Variants in PMM2 observed in about 807,000 individuals in gnomAD.
The protein encoded by PMM2 is mannose-6-phosphate isomerase.
In PMM2, 35 loss-of-function variants were observed where a neutral mutation model predicts 33.2. That is an observed-to-expected ratio of 1.06 (90% CI 0.81 to 1.40). The LOEUF (loss-of-function observed/expected upper bound fraction) is 1.40, where lower values mean the gene tolerates loss of function less well. Ranked by LOEUF, PMM2 falls within the 40% of genes most tolerant of loss-of-function variation. The pLI is 0.00. For synonymous variants in PMM2, 153 were observed against 114.7 expected (o/e 1.33, Z -2.13); for missense variants, 386 against 306.0 (o/e 1.26, Z -1.95).
intron 7 of PMM2, among the ~76,000 whole-genome samples, chr16:8,827,928 AT>A (rs1294446274): frequency 2.1e-4 from 14 of 66,556 alleles, no homozygotes; most frequent in Admixed American, 2.1e-3. Context: ...TGTTTTATAT[AT>A]AATATATATT....
intron 7 of PMM2, among the ~76,000 whole-genome samples, chr16:8,813,497 C>T (rs986676424): frequency 2.2e-4 from 33 of 152,188 alleles, no homozygotes; most frequent in African/African-American, 7.7e-4. Flanking sequence ...AAGTTGAACA[C>T]GAGGGGCCAT....
chr16:8,840,772 A>G (rs1315189131), intron 7 of PMM2, among the ~76,000 whole-genome samples: 1 of 151,966 alleles, frequency 6.6e-6, no homozygotes, highest in Non-Finnish European at 1.5e-5. Context: ...GGTACTATAG[A>G]TGACTAAGTA....
chr16:8,800,175 A>G (rs141088386), intron 1 of PMM2, among the ~76,000 whole-genome samples: 7,133 of 152,136 alleles, frequency 0.047, 223 homozygotes, highest in Non-Finnish European at 0.069. Flanking sequence ...CCTTGCCAAC[A>G]TGGTGAAACC....
chr16:8,830,036 C>G (rs1267229921), intron 7 of PMM2, among the ~76,000 whole-genome samples: 3 of 152,178 alleles, frequency 2.0e-5, no homozygotes, highest in African/African-American at 7.2e-5. Context: ...GGGCTACAGA[C>G]AGATACCCTG....
At chr16:8,801,278 T>G (rs1442741692) in intron 1 of PMM2, among the ~76,000 whole-genome samples, 1 of 152,214 alleles carries the variant, frequency 6.6e-6, no homozygotes, top group African/African-American at 2.4e-5. Context: ...TGTTTAAAAT[T>G]TGGTAAAAAT....
At chr16:8,804,030 T>TG (rs1596485271) in intron 2 of PMM2, among the ~76,000 whole-genome samples, 2 of 88,054 alleles carry the variant, frequency 2.3e-5, no homozygotes, top group East Asian at 3.2e-4. Flanking sequence ...GGGTTTTTTT[T>TG]GTTTTTTTTT....
intron 6 of PMM2, 119 bp from the exon 7 acceptor site, chr16:8,812,872 A>C (rs1208595612): frequency 1.4e-6 from 1 of 739,148 alleles, no homozygotes; most frequent in Non-Finnish European, 2.5e-6. Flanking sequence ...AAACTAGAGT[A>C]CTGAAAATCA....
At chr16:8,827,150 G>C (rs566508456) in intron 7 of PMM2, among the ~76,000 whole-genome samples, 3 of 151,980 alleles carry the variant, frequency 2.0e-5, no homozygotes, top group Non-Finnish European at 4.4e-5. Context: ...GGTTTTATGA[G>C]GAAAACAGAG....
At chr16:8,831,618 T>A (rs1362998329) in intron 7 of PMM2, among the ~76,000 whole-genome samples, 1 of 152,222 alleles carries the variant, frequency 6.6e-6, no homozygotes, top group African/African-American at 2.4e-5. Context: ...CACCCACTGC[T>A]ACCAGCGAAG....
chr16:8,804,934 A>G (rs1033659318), intron 3 of PMM2, 91 bp downstream of exon 3: 26 of 807,722 alleles, frequency 3.2e-5, no homozygotes, highest in Non-Finnish European at 5.4e-5. Flanking sequence ...AAGATGAGGA[A>G]CGGGTAGAAA....
Position 8,804,804 on chromosome 16 carries a change from C to T in PMM2, c.216C>T (p.Gly72=), listed in dbSNP as rs1238023125. 1 of 1,613,170 alleles carries T rather than the reference C, an allele frequency of 6.2e-7. No homozygotes were observed. The highest frequency in any genetic ancestry group is 1.7e-5 in the Admixed American group (1 of 60,002). ...ACGATTATGTGTTTCCAGAAAATGG[C>T]TTGGTAGCATACAAAGATGGGAAAC... ...EKYDYVFPEN[G]LVAYKDGKLL... Residue 72 remains glycine (G), a synonymous_variant, in exon 3 of 8, where the codon GGC becomes GGT. Transcript: ENST00000268261.
chr16:8,820,743 C>G (rs1196316909), intron 7 of PMM2, among the ~76,000 whole-genome samples: 1 of 152,204 alleles, frequency 6.6e-6, no homozygotes, highest in African/African-American at 2.4e-5. Context: ...GGAAAGGCAG[C>G]TGGGACATGC....
chr16:8,821,243 A>G (rs1265900056), intron 7 of PMM2, among the ~76,000 whole-genome samples: 3 of 152,132 alleles, frequency 2.0e-5, no homozygotes, highest in Non-Finnish European at 4.4e-5. Context: ...ACTGACTGGC[A>G]GAAATTGATG....
chr16:8,847,515 A>G (rs528670147), intron 7 of PMM2: 1 of 579,042 alleles, frequency 1.7e-6, no homozygotes, highest in African/African-American at 1.9e-5. Context: ...TTCCAAGCCA[A>G]ATTGCAGTTC....
chr16:8,819,053 C>A (rs1000561221), intron 7 of PMM2, among the ~76,000 whole-genome samples: 1 of 152,228 alleles, frequency 6.6e-6, no homozygotes, highest in Admixed American at 6.5e-5. Flanking sequence ...TGAAAACATT[C>A]TAACACTTCA....
intron 2 of PMM2, among the ~76,000 whole-genome samples, chr16:8,803,517 C>T (rs75455863): frequency 0.015 from 2,250 of 152,250 alleles, 20 homozygotes; most frequent in Non-Finnish European, 0.024. Flanking sequence ...TCAGAATCAC[C>T]TGGGAAGCTT....
At chr16:8,826,694 G>C (rs973827804) in intron 7 of PMM2, among the ~76,000 whole-genome samples, 1 of 152,056 alleles carries the variant, frequency 6.6e-6, no homozygotes, top group Non-Finnish European at 1.5e-5. Context: ...TATTTTTTAA[G>C]CCAATTAATT....
Position 8,847,851 on chromosome 16 carries a change from CGG to C in PMM2, c.*27_*28del. On this transcript the variant is annotated 3_prime_UTR_variant, in exon 8 of 8. Transcript: ENST00000268261. ...CGTGGGAGCGGGAGGGGCGGGGTCC[CGG>C]CTGACAAGCCAGCATAGGGCATTCG... is the stretch of plus-strand genomic sequence containing the variant. 6.4e-7 allele frequency: 1 copy of C among 1,565,722 alleles called. No individual in the cohort carries two copies.
At position 8,840,641 on chromosome 16, in the gene PMM2, G is replaced by A. The variant is rs577057952; in HGVS notation, c.640-7083G>A. ...ATACGACTGAGTTTAAGGGAAGTAG[G>A]GGAGAGTACTTGCAACTTCCAGGAG... On this transcript the variant is annotated intron_variant, in intron 7 of 7. Transcript: ENST00000268261. 2.6e-4 allele frequency among the ~76,000 whole-genome samples: 39 copies of A among 152,144 alleles called. 1 individual carries two copies. The highest frequency in any genetic ancestry group is 1.2e-3 in the South Asian group (6 of 4,822).
Sources: allele counts gnomAD v4.1 joint callset (sites outside exome capture counted in the v4.1 genomes callset), GRCh38; gene constraint gnomAD v4.1.1; transcripts MANE v1.5; gene names NCBI Gene and HGNC (gene_info 2026-07-23, HGNC 2026-07-21).